CUX1: variants seen among roughly 807,000 people sequenced by gnomAD.
CUX1 encodes cut like homeobox 1.
Under a neutral mutation model 158.8 loss-of-function variants are expected in CUX1, and 31 were observed. That is an observed-to-expected ratio of 0.20 (90% CI 0.15 to 0.26). The LOEUF (loss-of-function observed/expected upper bound fraction) is 0.26, where lower values mean the gene tolerates loss of function less well. Ranked by LOEUF, CUX1 falls within the 10% of genes least tolerant of loss-of-function variation. The pLI, the probability that CUX1 is intolerant of heterozygous loss-of-function variation, is 1.00. For missense variants in CUX1, 1,589 were observed against 2,014.6 expected (o/e 0.79, Z 4.04); for synonymous variants, 879 against 862.1 (o/e 1.02, Z -0.34).
chr7:102,068,398 T>C (rs1306482694), intron 3 of CUX1, among the ~76,000 whole-genome samples: 2 of 152,136 alleles, frequency 1.3e-5, no homozygotes, highest in Non-Finnish European at 2.9e-5. Flanking sequence ...ATTACAGGCG[T>C]GAGCCACCAC....
intron 8 of CUX1, among the ~76,000 whole-genome samples, chr7:102,124,594 T>C (rs554672368): frequency 3.9e-5 from 6 of 152,260 alleles, no homozygotes; most frequent in African/African-American, 1.4e-4. Flanking sequence ...GAAAGACGAA[T>C]ACCACAAGAT....
rs143394972 is a variant in CUX1, at chr7:102,062,257, G to C, written c.190-8082G>C. Among the ~76,000 whole-genome samples the C allele has an allele frequency of 1.2e-3, 180 of 152,320 alleles. 2 individuals carry two copies. Among genetic ancestry groups the C allele is most frequent in the African/African-American group, 4.2e-3 (173 of 41,576 alleles). On this transcript the variant is annotated intron_variant, in intron 3 of 23. Transcript: ENST00000292535. Reference sequence around the variant, plus strand: ...ACCACAAGTCACGTGGCAGTGGGCAGCGATGTGTGACGCCTCCTCCAGGGA... The same window carrying C: ...ACCACAAGTCACGTGGCAGTGGGCACCGATGTGTGACGCCTCCTCCAGGGA...
chr7:101,850,421 C>CTTTTTTTTT (rs545679696), intron 1 of CUX1, among the ~76,000 whole-genome samples: 5 of 104,654 alleles, frequency 4.8e-5, no homozygotes, highest in Admixed American at 1.0e-4. Flanking sequence ...TTCTTTCTTT[C>CTTTTTTTTT]TTTTTTTTTT....
rs146795527 is a variant in CUX1 at position 101,864,484 on chromosome 7, G to A, written c.30+46815G>A. On this transcript the variant is annotated intron_variant, in intron 1 of 23. Transcript: ENST00000292535. ...GCCTGGATTTTTTTCTTTTTTAATG[G>A]TAGACATCTTAGTGGGTTTAAGGTG... Among the ~76,000 whole-genome samples the A allele has an allele frequency of 2.9e-4, 44 of 151,822 alleles. 2 individuals carry two copies. The East Asian group carries it at 3.3e-3, about 11-fold the overall frequency.
chr7:102,025,157 G>T (rs1449511659), intron 2 of CUX1, among the ~76,000 whole-genome samples: 1 of 152,030 alleles, frequency 6.6e-6, no homozygotes, highest in Non-Finnish European at 1.5e-5. Flanking sequence ...GATTACACTG[G>T]GCCCACCTGG....
chr7:102,144,496 T>C (rs1266939803), intron 8 of CUX1, among the ~76,000 whole-genome samples: 2 of 152,092 alleles, frequency 1.3e-5, no homozygotes, highest in African/African-American at 4.8e-5. Context: ...AAGGACTTTC[T>C]TTTTAATATA....
At chr7:101,928,808 C>G (rs1219242499) in intron 2 of CUX1, among the ~76,000 whole-genome samples, 1 of 150,856 alleles carries the variant, frequency 6.6e-6, no homozygotes, top group Non-Finnish European at 1.5e-5. Context: ...GTAGCTGGGA[C>G]TACAGGCGCC....
chr7:101,819,141 C>T (rs768583990), intron 1 of CUX1, among the ~76,000 whole-genome samples: 1 of 152,206 alleles, frequency 6.6e-6, no homozygotes. Context: ...GTCCCAAAGG[C>T]TTGTGGTATG....
chr7:102,198,790 G>GT lies in CUX1; in HGVS notation c.1895-7dup. The GT allele has an allele frequency of 6.2e-7, 1 of 1,613,356 alleles. No individual in the cohort carries two copies. The highest frequency in any genetic ancestry group is 8.5e-7 in the Non-Finnish European group (1 of 1,179,290). ...TGATTGTTTTGTTCTTACCACACTT[G>GT]TTTTTCAACAGAGAATCCAGGCCAG... On this transcript the variant is annotated splice_polypyrimidine_tract_variant and intron_variant, in intron 15 of 23. Coordinates refer to ENST00000292535, the MANE Select transcript of CUX1 (RefSeq NM_181552.4).
chr7:101,840,053 C>T (rs1050882909), intron 1 of CUX1, among the ~76,000 whole-genome samples: 5 of 152,164 alleles, frequency 3.3e-5, no homozygotes, highest in African/African-American at 9.7e-5. Context: ...TAAGCCACCA[C>T]GCTGGCCGTT....
chr7:102,126,923 C>T (rs1166490300), intron 8 of CUX1, among the ~76,000 whole-genome samples: 2 of 152,200 alleles, frequency 1.3e-5, no homozygotes, highest in African/African-American at 4.8e-5. Context: ...TGATGGGAGA[C>T]AGTGACAGAT....
chr7:102,269,537 C>G (rs1302360161), intron 14 of CUX1, among the ~76,000 whole-genome samples: 1 of 150,398 alleles, frequency 6.6e-6, no homozygotes, highest in African/African-American at 2.5e-5. Context: ...TCCCAAATAG[C>G]TGGGATTACA....
chr7:101,998,672 G>C (rs545915640), intron 2 of CUX1, among the ~76,000 whole-genome samples: 36 of 152,294 alleles, frequency 2.4e-4, no homozygotes, highest in African/African-American at 8.7e-4. Context: ...ACCCATCACT[G>C]GTGAAAAAAA....
intron 3 of CUX1, among the ~76,000 whole-genome samples, chr7:102,046,379 C>T (rs1312725700): frequency 2.0e-5 from 3 of 151,978 alleles, no homozygotes; most frequent in Non-Finnish European, 4.4e-5. Context: ...ATTACAGGCA[C>T]GCACCACCAC....
intron 8 of CUX1, among the ~76,000 whole-genome samples, chr7:102,129,389 A>C (rs1165664425): frequency 9.2e-6 from 1 of 108,130 alleles, no homozygotes; most frequent in Non-Finnish European, 2.1e-5. Flanking sequence ...GTCTCTAAAA[A>C]ATCAAACACC....
At chr7:102,162,568 C>A (rs1357968894) in intron 9 of CUX1, among the ~76,000 whole-genome samples, 1 of 151,740 alleles carries the variant, frequency 6.6e-6, no homozygotes, top group African/African-American at 2.4e-5. Context: ...TATGGCACCA[C>A]GCATGGCTAA....
chr7:101,974,729 G>C (rs1036032962), intron 2 of CUX1, among the ~76,000 whole-genome samples: 1 of 152,146 alleles, frequency 6.6e-6, no homozygotes, highest in African/African-American at 2.4e-5. Flanking sequence ...GGCGTGAGGG[G>C]CTTTCATTCA....
chr7:101,967,072 G>A (rs1811316829), intron 2 of CUX1, among the ~76,000 whole-genome samples: 1 of 151,924 alleles, frequency 6.6e-6, no homozygotes, highest in Admixed American at 6.6e-5. Context: ...GGAGTTTAGT[G>A]GCGCAATCTC....
At chr7:102,222,184 G>A (rs1056116644) in intron 20 of CUX1, among the ~76,000 whole-genome samples, 3 of 152,062 alleles carry the variant, frequency 2.0e-5, no homozygotes, top group Non-Finnish European at 4.4e-5. Flanking sequence ...AGGCTAAAGT[G>A]GGAGGGTCTC....
Sources: gnomAD v4.1 joint callset for allele counts (sites outside exome capture counted in the v4.1 genomes callset) on GRCh38, gnomAD v4.1.1 for gene constraint, MANE v1.5 for transcripts, NCBI Gene and HGNC (gene_info 2026-07-23, HGNC 2026-07-21) for gene names.